The following SLIT3 variants were observed in gnomAD, a reference collection of about 807,000 sequenced individuals.
The protein encoded by SLIT3 is slit homolog 3 protein.
A neutral mutation model predicts 184.0 loss-of-function variants in SLIT3; 68 were observed. The ratio of observed to expected loss-of-function variants is 0.37; its 90% confidence interval spans 0.30 to 0.45. The LOEUF is 0.45. Ranked by LOEUF, SLIT3 falls within the 20% of genes least tolerant of loss-of-function variation. The pLI, the probability that SLIT3 is intolerant of heterozygous loss-of-function variation, is 1.00. For missense variants in SLIT3, 1,707 were observed against 2,026.0 expected (o/e 0.84, Z 3.02); for synonymous variants, 831 against 828.6 (o/e 1.00, Z -0.05).
At chr5:169,047,059 G>A (rs1757649498) in intron 4 of SLIT3, among the ~76,000 whole-genome samples, 1 of 152,126 alleles carries the variant, frequency 6.6e-6, no homozygotes, top group African/African-American at 2.4e-5. Context: ...TTCGTAGACT[G>A]GAGAAGCAAA....
chr5:168,673,399 T>C (rs1313828692), intron 32 of SLIT3, 68 bp from the exon 33 acceptor site: 14 of 1,450,536 alleles, frequency 9.7e-6, no homozygotes, highest in African/African-American at 2.8e-5. Context: ...GGCCCTGTGC[T>C]GTGGACTTGA....
chr5:169,086,681 T>C (rs1048363579), intron 4 of SLIT3, among the ~76,000 whole-genome samples: 2 of 152,170 alleles, frequency 1.3e-5, no homozygotes, highest in Admixed American at 6.5e-5. Context: ...ATTATGAAAA[T>C]TTGTGCAAAC....
At chr5:169,186,516 G>A (rs552141085) in intron 4 of SLIT3, among the ~76,000 whole-genome samples, 1 of 152,322 alleles carries the variant, frequency 6.6e-6, no homozygotes, top group East Asian at 1.9e-4. Context: ...CATTCCTATT[G>A]TGTAGCTAAC....
intron 4 of SLIT3, among the ~76,000 whole-genome samples, chr5:168,948,807 A>C (rs894172483): frequency 1.3e-5 from 2 of 152,160 alleles, no homozygotes; most frequent in African/African-American, 4.8e-5. Flanking sequence ...AGTGTCAAAG[A>C]CATCTGTGAG....
chr5:169,188,705 C>T (rs922419709), intron 4 of SLIT3, among the ~76,000 whole-genome samples: 2 of 152,212 alleles, frequency 1.3e-5, no homozygotes, highest in East Asian at 1.9e-4. Flanking sequence ...GGCCATCTTC[C>T]ATGGAGCATT....
intron 3 of SLIT3, among the ~76,000 whole-genome samples, chr5:169,242,080 A>G (rs1765422484): frequency 6.6e-6 from 1 of 152,204 alleles, no homozygotes; most frequent in Non-Finnish European, 1.5e-5. Context: ...GAAAGGCACA[A>G]TCCACCGTCA....
At chr5:168,729,758 T>C (rs912409891) in intron 20 of SLIT3, among the ~76,000 whole-genome samples, 2 of 151,896 alleles carry the variant, frequency 1.3e-5, no homozygotes, top group Non-Finnish European at 2.9e-5. Context: ...AGGAATCAAA[T>C]GGCAACACCA....
At chr5:169,187,996 C>T (rs1283299458) in intron 4 of SLIT3, among the ~76,000 whole-genome samples, 9 of 152,288 alleles carry the variant, frequency 5.9e-5, no homozygotes, top group South Asian at 2.1e-4. Context: ...CTCACTCTGT[C>T]GCCCAAGCTG....
At chr5:169,019,505 G>C (rs1009377696) in intron 4 of SLIT3, among the ~76,000 whole-genome samples, 3 of 152,178 alleles carry the variant, frequency 2.0e-5, no homozygotes, top group Non-Finnish European at 1.5e-5. Flanking sequence ...GCTTACCTAG[G>C]TCAGCGGCTT....
rs112453338 is a variant in SLIT3 at position 169,008,643 on chromosome 5, C to T, written c.414-125307G>A. 7.3e-3 allele frequency among the ~76,000 whole-genome samples: 1,111 copies of T among 152,158 alleles called. 16 individuals are homozygous for T. The highest frequency in any genetic ancestry group is 0.025 in the African/African-American group (1,052 of 41,502). On this transcript the variant is annotated intron_variant, in intron 4 of 35. Coordinates refer to ENST00000519560, the MANE Select transcript of SLIT3 (RefSeq NM_003062.4). ...TGTCTCACCATCTGTTTTGTTGTTG[C>T]TGCTGCTGTTGTTGTTTTTTTTTAA...
At position 169,253,589 on chromosome 5, in the gene SLIT3, G is replaced by A. The variant is rs1765851226; in HGVS notation, c.198-2130C>T. ...GAGGCTGACAATCTTGACCTCAGGAGCTTTGATGAGGGTTAAATGAGATGA... is the reference window on the plus strand; with the variant it reads ...GAGGCTGACAATCTTGACCTCAGGAACTTTGATGAGGGTTAAATGAGATGA... On this transcript the variant is annotated intron_variant, in intron 1 of 35. Coordinates refer to ENST00000519560, the MANE Select transcript of SLIT3 (RefSeq NM_003062.4). Among the ~76,000 whole-genome samples, 2 of 152,128 alleles carry A rather than the reference G, an allele frequency of 1.3e-5. 1 individual carries two copies. The highest frequency in any genetic ancestry group is 4.1e-4 in the South Asian group (2 of 4,820).
At chr5:169,023,610 T>A (rs1256957966) in intron 4 of SLIT3, 1 of 151,986 alleles carries the variant, frequency 6.6e-6, no homozygotes, top group Non-Finnish European at 1.5e-5. Flanking sequence ...CTGTTCTTTT[T>A]TTTTTCCCAC....
intron 4 of SLIT3, among the ~76,000 whole-genome samples, chr5:168,959,077 G>A (rs1420076877): frequency 6.6e-6 from 1 of 152,244 alleles, no homozygotes; most frequent in East Asian, 1.9e-4. Flanking sequence ...CAGTCAATCT[G>A]GGCTGAGATT....
At chr5:168,787,281 C>CCACGGGG (rs1235442726) in intron 11 of SLIT3, among the ~76,000 whole-genome samples, 10 of 152,334 alleles carry the variant, frequency 6.6e-5, no homozygotes, top group African/African-American at 2.4e-4. Flanking sequence ...GTAGCAGAAG[C>CCACGGGG]CACGGGGCTT....
intron 4 of SLIT3, among the ~76,000 whole-genome samples, chr5:169,098,228 G>A (rs1405055080): frequency 6.6e-6 from 1 of 152,118 alleles, no homozygotes; most frequent in Non-Finnish European, 1.5e-5. Flanking sequence ...TTTCTATGGA[G>A]CCAAATGACC....
intron 4 of SLIT3, among the ~76,000 whole-genome samples, chr5:169,144,326 C>T (rs1175273394): frequency 2.0e-5 from 3 of 152,164 alleles, no homozygotes; most frequent in South Asian, 2.1e-4. Context: ...GTCCCTTTGT[C>T]GGGGCCATCT....
chr5:169,149,155 C>G (rs1762032130), intron 4 of SLIT3, among the ~76,000 whole-genome samples: 2 of 152,106 alleles, frequency 1.3e-5, no homozygotes, highest in South Asian at 4.1e-4. Context: ...AGAAACACAG[C>G]CTGGGAAATT....
At chr5:168,802,427 CTTTAA>C (rs980884463) in intron 9 of SLIT3, among the ~76,000 whole-genome samples, 3 of 152,170 alleles carry the variant, frequency 2.0e-5, no homozygotes, top group Non-Finnish European at 2.9e-5. Context: ...GCCGCCTCTG[CTTTAA>C]TTTTTCAGTT....
chr5:168,966,373 T>C (rs1259712660), intron 4 of SLIT3, among the ~76,000 whole-genome samples: 1 of 152,006 alleles, frequency 6.6e-6, no homozygotes, highest in Non-Finnish European at 1.5e-5. Flanking sequence ...GCATGATTTT[T>C]TATAAGAGAA....
Sources: allele counts gnomAD v4.1 joint callset (sites outside exome capture counted in the v4.1 genomes callset), GRCh38; gene constraint gnomAD v4.1.1; transcripts MANE v1.5; gene names NCBI Gene and HGNC (gene_info 2026-07-23, HGNC 2026-07-21).